TNFSF15: variants seen among roughly 807,000 people sequenced by gnomAD.
The protein encoded by TNFSF15 is TNF superfamily member 15, also known as tumor necrosis factor ligand superfamily member 15.
TNFSF15 carries 15 observed loss-of-function variants against 26.4 expected under a neutral mutation model. That is an observed-to-expected ratio of 0.57 (90% CI 0.38 to 0.87). The LOEUF (loss-of-function observed/expected upper bound fraction) is 0.87. TNFSF15 is among the 40% of genes least tolerant of loss of function. The pLI is 0.00. For missense variants in TNFSF15, 290 were observed against 306.1 expected (o/e 0.95, Z 0.39); for synonymous variants, 116 against 115.0 (o/e 1.01, Z -0.06).
In TNFSF15 at chr9:114,789,700, C is replaced by T. The variant is rs1286838745; in HGVS notation, c.*752G>A. The T allele has an allele frequency of 6.6e-6, 1 of 152,272 alleles. No homozygotes were observed. The highest frequency in any genetic ancestry group is 1.5e-5 in the Non-Finnish European group (1 of 68,038). The allele number at this position is 152,272 out of a possible 1,614,324, so 9.4% of individuals were successfully genotyped here. ...TGTTCATATAAATTTTGAGTGGAGT[C>T]TGTCTTGTTTTTCATAGTGTCTTCT... On this transcript the variant is annotated 3_prime_UTR_variant, in exon 4 of 4. Coordinates refer to ENST00000374045, the MANE Select transcript of TNFSF15 (RefSeq NM_005118.4).
In TNFSF15 at chr9:114,789,226, G is replaced by T. The variant is rs908482361; in HGVS notation, c.*1226C>A. ...GAACTAATCAGCTGGCTATCTTCCA[G>T]TCAGCTGGCTATCTTCCACAGTCAG... On this transcript the variant is annotated 3_prime_UTR_variant, in exon 4 of 4. Coordinates refer to ENST00000374045, the MANE Select transcript of TNFSF15 (RefSeq NM_005118.4). The T allele has an allele frequency of 2.0e-5, 3 of 152,246 alleles. No homozygotes were observed. The highest frequency in any genetic ancestry group is 1.3e-4 in the Admixed American group (2 of 15,282). 9.4% of individuals were successfully genotyped at this position (152,246 alleles called of 1,614,324 possible). A position where few individuals can be genotyped will look rare whatever the true frequency, so the allele number is the denominator to read the frequency against.
chr9:114,795,242 G>A (rs1346783556), intron 1 of TNFSF15, among the ~76,000 whole-genome samples: 1 of 151,794 alleles, frequency 6.6e-6, no homozygotes, highest in African/African-American at 2.4e-5. Flanking sequence ...ATATGATTTC[G>A]ACTCAACCCA....
intron 1 of TNFSF15, among the ~76,000 whole-genome samples, chr9:114,801,115 C>T (rs555596183): frequency 5.9e-5 from 9 of 152,316 alleles, no homozygotes; most frequent in South Asian, 4.1e-4. Flanking sequence ...ATGCCTCCTA[C>T]GGCATCCCTG....
chr9:114,803,304 A>C (rs1039676456), intron 1 of TNFSF15, among the ~76,000 whole-genome samples: 1 of 152,024 alleles, frequency 6.6e-6, no homozygotes, highest in Non-Finnish European at 1.5e-5. Context: ...CTCTCCCCAC[A>C]TTTCTAACAT....
rs1285873910 is a variant in TNFSF15 at position 114,786,884 on chromosome 9, C to T, written c.*3568G>A. ...CTGAGATCCTGCCACTGCACTTCAG[C>T]CTGGGTGACAAAGCAAGACTCTGTC... On this transcript the variant is annotated 3_prime_UTR_variant, in exon 4 of 4. Transcript: ENST00000374045. 4 of 142,420 alleles carry T rather than the reference C, an allele frequency of 2.8e-5. No homozygotes were observed. The highest frequency in any genetic ancestry group is 6.0e-5 in the Non-Finnish European group (4 of 66,774). 8.8% of individuals were successfully genotyped at this position (142,420 alleles called of 1,614,324 possible). A position where few individuals can be genotyped will look rare whatever the true frequency, so the allele number is the denominator to read the frequency against.
chr9:114,798,356 C>T (rs1180302647), intron 1 of TNFSF15, among the ~76,000 whole-genome samples: 1 of 151,852 alleles, frequency 6.6e-6, no homozygotes, highest in Non-Finnish European at 1.5e-5. Context: ...GGAATTTTTC[C>T]TCTCATTTGA....
intron 1 of TNFSF15, among the ~76,000 whole-genome samples, chr9:114,803,604 C>T (rs1829776526): frequency 6.6e-6 from 1 of 152,224 alleles, no homozygotes; most frequent in African/African-American, 2.4e-5. Flanking sequence ...GAAGCTGACT[C>T]CTGGCTCAGT....
intron 3 of TNFSF15, 159 bp downstream of exon 3, chr9:114,792,224 TACACACACACACACACACACACAC>T (rs142936750): frequency 7.1e-6 from 4 of 559,610 alleles, no homozygotes; most frequent in African/African-American, 3.9e-5. Flanking sequence ...CATATGTGTG[TACACACACACACACACACACACAC>T]ACACACACAC....
intron 1 of TNFSF15, among the ~76,000 whole-genome samples, chr9:114,802,189 T>C (rs1829758246): frequency 6.6e-6 from 1 of 152,184 alleles, no homozygotes; most frequent in African/African-American, 2.4e-5. Flanking sequence ...AATAAAACTG[T>C]TTTCTTTCTC....
chr9:114,797,896 A>G (rs1425460344), intron 1 of TNFSF15, among the ~76,000 whole-genome samples: 1 of 152,194 alleles, frequency 6.6e-6, no homozygotes, highest in Middle Eastern at 3.4e-3. Flanking sequence ...ACAGGTGGGG[A>G]CCTATATTCC....
chr9:114,792,363 A>G (rs1414847379), intron 3 of TNFSF15, 44 bp downstream of exon 3: 1 of 1,597,592 alleles, frequency 6.3e-7, no homozygotes, highest in Non-Finnish European at 8.5e-7. Context: ...AAATCTCAGG[A>G]TTCTGGCCCA....
chr9:114,793,388 C>G, intron 2 of TNFSF15, 138 bp downstream of exon 2: 1 of 1,000,544 alleles, frequency 1.0e-6, no homozygotes, highest in Non-Finnish European at 1.5e-6. Flanking sequence ...GCAGCAGAGC[C>G]TCATTTCTCC....
At chr9:114,797,128 A>G (rs1465986887) in intron 1 of TNFSF15, among the ~76,000 whole-genome samples, 1 of 152,188 alleles carries the variant, frequency 6.6e-6, no homozygotes, top group Non-Finnish European at 1.5e-5. Context: ...CTGCTGAGAA[A>G]TTTTGAACAT....
chr9:114,793,459 G>A (rs1829634584), intron 2 of TNFSF15, 67 bp downstream of exon 2: 1 of 1,556,154 alleles, frequency 6.4e-7, no homozygotes, highest in African/African-American at 1.4e-5. Flanking sequence ...TGAACTTCCT[G>A]CATACAGAAC....
intron 1 of TNFSF15, among the ~76,000 whole-genome samples, chr9:114,800,959 G>A (rs867121843): frequency 2.0e-5 from 3 of 152,172 alleles, no homozygotes; most frequent in African/African-American, 7.2e-5. Context: ...AGGAATAAAA[G>A]GCAGGAGCAT....
intron 1 of TNFSF15, among the ~76,000 whole-genome samples, chr9:114,798,323 C>A (rs763156378): frequency 6.6e-6 from 1 of 152,048 alleles, no homozygotes; most frequent in South Asian, 2.1e-4. Context: ...CTTCCCCTAC[C>A]CTCCTTAGTT....
At position 114,784,811 on chromosome 9, in the gene TNFSF15, T is replaced by A. The variant is rs1255990902; in HGVS notation, c.*5641A>T. On this transcript the variant is annotated 3_prime_UTR_variant, in exon 4 of 4. Coordinates refer to ENST00000374045, the MANE Select transcript of TNFSF15 (RefSeq NM_005118.4). ...AACAACATACAATATGCATTTTACC[T>A]TGCGGTTGATGTTTTAACATAAAAC... is the stretch of plus-strand genomic sequence containing the variant. 1 of 152,228 alleles carries A rather than the reference T, an allele frequency of 6.6e-6. No homozygotes were observed. The highest frequency in any genetic ancestry group is 2.4e-5 in the African/African-American group (1 of 41,460). The allele number at this position is 152,228 out of a possible 1,614,324, so 9.4% of individuals were successfully genotyped here.
At chr9:114,795,642 G>C (rs1245316188) in intron 1 of TNFSF15, among the ~76,000 whole-genome samples, 1 of 152,204 alleles carries the variant, frequency 6.6e-6, no homozygotes, top group Non-Finnish European at 1.5e-5. Context: ...AGCATCTGCA[G>C]ATTTTGGTGT....
At chr9:114,801,758 G>A (rs74346132) in intron 1 of TNFSF15, among the ~76,000 whole-genome samples, 5 of 152,232 alleles carry the variant, frequency 3.3e-5, no homozygotes, top group East Asian at 3.9e-4. Flanking sequence ...TCCAAGATAC[G>A]TCTGTCTAAT....
Sources: gnomAD v4.1 joint callset for allele counts (sites outside exome capture counted in the v4.1 genomes callset) on GRCh38, gnomAD v4.1.1 for gene constraint, MANE v1.5 for transcripts, NCBI Gene and HGNC (gene_info 2026-07-23, HGNC 2026-07-21) for gene names.